The following SLC41A2 variants were observed in gnomAD, a reference collection of about 807,000 sequenced individuals.
SLC41A2 encodes the protein solute carrier family 41 member 2, also known as SLC41A1-like 1.
In SLC41A2, 32 loss-of-function variants were observed where a neutral mutation model predicts 58.3. The observed-to-expected ratio is 0.55, with a 90% CI of 0.41 to 0.74. The LOEUF (loss-of-function observed/expected upper bound fraction) is 0.74, where lower values mean the gene tolerates loss of function less well. Among genes scored for constraint, SLC41A2 ranks in the 30% least tolerant of loss-of-function variants. The probability of loss-of-function intolerance (pLI) is 0.00; values close to 1 mark genes in which losing one functional copy is unlikely to be tolerated. For synonymous variants in SLC41A2, 190 were observed against 235.0 expected (o/e 0.81, Z 1.75); for missense variants, 514 against 680.6 (o/e 0.76, Z 2.72).
intron 6 of SLC41A2, among the ~76,000 whole-genome samples, chr12:104,880,504 T>C (rs1327255579): frequency 6.6e-6 from 1 of 152,200 alleles, no homozygotes; most frequent in Non-Finnish European, 1.5e-5. Context: ...ATACCTAGTT[T>C]ATTGAGAGTT....
chr12:104,883,154 T>C (rs10861289), intron 6 of SLC41A2, among the ~76,000 whole-genome samples: 11,373 of 152,304 alleles, frequency 0.075, 487 homozygotes, highest in Middle Eastern at 0.11. Context: ...TCTCATGCCA[T>C]GGTTTTCGGC....
chr12:104,820,730 C>G (rs1415709308), intron 10 of SLC41A2, among the ~76,000 whole-genome samples: 1 of 152,182 alleles, frequency 6.6e-6, no homozygotes, highest in South Asian at 2.1e-4. Flanking sequence ...CAACCTCCCC[C>G]TCCTGGGTTC....
intron 8 of SLC41A2, among the ~76,000 whole-genome samples, chr12:104,859,930 G>T (rs951904020): frequency 6.6e-6 from 1 of 151,578 alleles, no homozygotes; most frequent in African/African-American, 2.4e-5. Flanking sequence ...TTTTGTGCAG[G>T]CAGGGTTTGG....
intron 2 of SLC41A2, among the ~76,000 whole-genome samples, chr12:104,923,556 T>C (rs2046702874): frequency 6.6e-6 from 1 of 151,426 alleles, no homozygotes; most frequent in Non-Finnish European, 1.5e-5. Context: ...TTTGAAAAGA[T>C]AAAATCAACA....
At chr12:104,900,885 G>C (rs1293604732) in intron 3 of SLC41A2, among the ~76,000 whole-genome samples, 3 of 152,124 alleles carry the variant, frequency 2.0e-5, no homozygotes, top group African/African-American at 7.2e-5. Flanking sequence ...AGTTACTAGG[G>C]AAAGACATTT....
At chr12:104,847,583 G>A (rs979314508) in intron 8 of SLC41A2, among the ~76,000 whole-genome samples, 4 of 125,880 alleles carry the variant, frequency 3.2e-5, no homozygotes, top group South Asian at 2.5e-4. Context: ...CCAGCCTGAC[G>A]ACAGAGTGAG....
intron 2 of SLC41A2, among the ~76,000 whole-genome samples, chr12:104,923,343 C>A: frequency 7.3e-6 from 1 of 136,084 alleles, no homozygotes; most frequent in African/African-American, 2.8e-5. Context: ...GCCTGGGCAA[C>A]AGAGTGAGAC....
chr12:104,948,394 A>G (rs1825790530), intron 1 of SLC41A2, among the ~76,000 whole-genome samples: 1 of 152,106 alleles, frequency 6.6e-6, no homozygotes, highest in South Asian at 2.1e-4. Flanking sequence ...TAAAAAATAT[A>G]TAAAAACTTA....
intron 2 of SLC41A2, among the ~76,000 whole-genome samples, chr12:104,921,834 T>C (rs1473304830): frequency 1.3e-5 from 2 of 152,076 alleles, no homozygotes; most frequent in Non-Finnish European, 2.9e-5. Flanking sequence ...ATAGGCAATA[T>C]AAAAATGTGA....
intron 6 of SLC41A2, among the ~76,000 whole-genome samples, chr12:104,878,312 T>TAC (rs1254153260): frequency 6.8e-6 from 1 of 146,542 alleles, no homozygotes; most frequent in Non-Finnish European, 1.5e-5. Context: ...TATATATATA[T>TAC]ATATATATAT....
chr12:104,817,595 CTTTT>C (rs1041123286), intron 10 of SLC41A2, among the ~76,000 whole-genome samples: 1 of 150,460 alleles, frequency 6.6e-6, no homozygotes, highest in Non-Finnish European at 1.5e-5. Flanking sequence ...TGCCTCTCCT[CTTTT>C]TTTTTCTATT....
rs140790243 is a variant in SLC41A2 at position 104,928,124 on chromosome 12, A to G, written c.404T>C (p.Ile135Thr). 1.9e-6 allele frequency: 3 copies of G among 1,614,082 alleles called. No individual in the cohort carries two copies. In the African/African-American group the frequency reaches 4.0e-5, roughly 22 times the overall value. ...ETTAMLQDEDISSDGDEDAIV... is the reference protein window; with the variant it reads ...ETTAMLQDEDTSSDGDEDAIV... The stretch of plus-strand genomic sequence containing the variant: ...AGCATCTTCATCACCATCACTAGAT[A>G]TATCTTCATCTTGTAACATGGCAGT... The change falls in exon 2 of 11, where the codon ATA becomes ACA. Residue 135 changes from isoleucine to threonine, a missense_variant. Ile to Thr is a moderately conservative substitution (Grantham distance 89, BLOSUM62 -1). This residue lies in a region of SLC41A2 where 336 missense variants were observed against 430.0 expected (regional missense o/e 0.78). Transcript: ENST00000258538.
At chr12:104,935,767 T>C (rs2047238669) in intron 1 of SLC41A2, among the ~76,000 whole-genome samples, 1 of 152,098 alleles carries the variant, frequency 6.6e-6, no homozygotes, top group Non-Finnish European at 1.5e-5. Context: ...CCAGCCCAGG[T>C]GCAGAGAGCT....
intron 6 of SLC41A2, among the ~76,000 whole-genome samples, chr12:104,885,930 T>A (rs1565873225): frequency 6.6e-6 from 1 of 152,136 alleles, no homozygotes; most frequent in Non-Finnish European, 1.5e-5. Flanking sequence ...GCAGGTTGAC[T>A]CCTAGCTGCT....
intron 3 of SLC41A2, among the ~76,000 whole-genome samples, chr12:104,903,794 G>A (rs910357616): frequency 1.3e-5 from 2 of 152,112 alleles, no homozygotes; most frequent in African/African-American, 2.4e-5. Flanking sequence ...AATGGAAGCT[G>A]GCAGCTCTAC....
intron 10 of SLC41A2, among the ~76,000 whole-genome samples, chr12:104,820,006 T>C (rs990115943): frequency 1.2e-4 from 19 of 152,348 alleles, no homozygotes; most frequent in African/African-American, 4.6e-4. Flanking sequence ...TCAGGCATCC[T>C]GACTCTCTGG....
At chr12:104,854,436 G>A (rs1413087117) in intron 8 of SLC41A2, among the ~76,000 whole-genome samples, 1 of 152,056 alleles carries the variant, frequency 6.6e-6, no homozygotes, top group Non-Finnish European at 1.5e-5. Flanking sequence ...GGCGGCGGGC[G>A]ACTGTAGCCC....
chr12:104,891,941 A>G (rs1409969840), intron 4 of SLC41A2, among the ~76,000 whole-genome samples: 1 of 152,342 alleles, frequency 6.6e-6, no homozygotes, highest in African/African-American at 2.4e-5. Context: ...CCCATTTACA[A>G]TAGCTACAAG....
intron 10 of SLC41A2, among the ~76,000 whole-genome samples, chr12:104,821,158 T>G (rs1298277468): frequency 1.3e-5 from 2 of 152,158 alleles, no homozygotes; most frequent in African/African-American, 4.8e-5. Flanking sequence ...ATCTAATAAT[T>G]TAAAAATCAG....
Sources: gnomAD v4.1 joint callset for allele counts (sites outside exome capture counted in the v4.1 genomes callset) on GRCh38, gnomAD v4.1.1 for gene constraint, gnomAD v4.1.1 regional missense constraint, MANE v1.5 for transcripts, NCBI Gene and HGNC (gene_info 2026-07-23, HGNC 2026-07-21) for gene names.